The following SH3RF1 variants were observed in gnomAD, a reference collection of about 807,000 sequenced individuals.
The protein encoded by SH3RF1 is SH3 domain containing ring finger 1, also known as E3 ubiquitin-protein ligase SH3RF1.
In SH3RF1, 32 loss-of-function variants were observed where a neutral mutation model predicts 74.0. The observed-to-expected ratio is 0.43, with a 90% CI of 0.33 to 0.58. The LOEUF is 0.58. SH3RF1 is among the 20% of genes least tolerant of loss of function. The probability of loss-of-function intolerance (pLI) is 0.05; values close to 1 mark genes in which losing one functional copy is unlikely to be tolerated. For synonymous variants in SH3RF1, 396 were observed against 439.6 expected, an observed-to-expected ratio of 0.90 and a Z score of 1.24; for missense variants, 954 against 1,130.9, an observed-to-expected ratio of 0.84 and a Z score of 2.24.
chr4:169,157,333 G>A (rs138735697), intron 2 of SH3RF1, among the ~76,000 whole-genome samples: 3 of 152,240 alleles, frequency 2.0e-5, no homozygotes, highest in Admixed American at 2.0e-4. Flanking sequence ...TAAGTGTATA[G>A]ACACGTGGTC....
intron 2 of SH3RF1, among the ~76,000 whole-genome samples, chr4:169,251,069 GA>G (rs1731096834): frequency 1.3e-5 from 2 of 152,162 alleles, no homozygotes; most frequent in African/African-American, 4.8e-5. Flanking sequence ...TTATGCGACT[GA>G]AGTCTAATGG....
intron 2 of SH3RF1, among the ~76,000 whole-genome samples, chr4:169,205,335 G>C (rs1257707054): frequency 6.6e-6 from 1 of 152,166 alleles, no homozygotes; most frequent in Non-Finnish European, 1.5e-5. Context: ...TATGTCTTTG[G>C]AGAAACAGAA....
At chr4:169,259,706 A>T (rs1252926734) in intron 2 of SH3RF1, among the ~76,000 whole-genome samples, 3 of 152,200 alleles carry the variant, frequency 2.0e-5, no homozygotes, top group Admixed American at 2.0e-4. Context: ...AGGGAGCCTT[A>T]CCAGCAAGGC....
intron 11 of SH3RF1, among the ~76,000 whole-genome samples, chr4:169,098,753 C>CT (rs1409670543): frequency 6.6e-6 from 1 of 152,222 alleles, no homozygotes; most frequent in African/African-American, 2.4e-5. Context: ...TTGACACAGT[C>CT]TTTAAGGTCA....
At chr4:169,192,904 T>C (rs1734751250) in intron 2 of SH3RF1, among the ~76,000 whole-genome samples, 1 of 119,462 alleles carries the variant, frequency 8.4e-6, no homozygotes, top group African/African-American at 2.7e-5. Flanking sequence ...CTTTTATATA[T>C]ATATCATATA....
intron 2 of SH3RF1, among the ~76,000 whole-genome samples, chr4:169,168,722 G>A (rs1448948062): frequency 3.3e-5 from 5 of 152,226 alleles, no homozygotes; most frequent in Non-Finnish European, 5.9e-5. Context: ...ACAGTCTCAC[G>A]TTTGGTTCTG....
At position 169,156,500 on chromosome 4, in the gene SH3RF1, A is replaced by C. The variant is rs752707708; in HGVS notation, c.573T>G (p.Ile191Met). Residue 191 changes from isoleucine (I) to methionine (M), a missense_variant, in exon 3 of 12, where the codon ATT becomes ATG. This residue lies in a region of SH3RF1 where 854 missense variants were observed against 962.5 expected (regional missense o/e 0.89). Transcript: ENST00000284637. ...GFFPTNFVQI[I>M]KPLPQPPPQC... is the part of the protein sequence containing the mutation. Reference sequence around the variant, plus strand: ...GAGGTGGGGGCTGAGGTAACGGTTTAATAATCTGCACAAAGTTGGTGGGGA... The same window carrying C: ...GAGGTGGGGGCTGAGGTAACGGTTTCATAATCTGCACAAAGTTGGTGGGGA... The C allele has an allele frequency of 3.7e-6, 6 of 1,614,142 alleles. No homozygotes were observed. The highest frequency in any genetic ancestry group is 5.1e-6 in the Non-Finnish European group (6 of 1,179,984).
At chr4:169,107,313 T>C (rs1733162950) in intron 10 of SH3RF1, 108 bp from the exon 11 acceptor site, 1 of 1,039,592 alleles carries the variant, frequency 9.6e-7, no homozygotes, top group Non-Finnish European at 1.4e-6. Context: ...TAATTTTAAT[T>C]TTTGTGGGTC....
At chr4:169,246,419 C>T (rs1730995319) in intron 2 of SH3RF1, among the ~76,000 whole-genome samples, 2 of 152,174 alleles carry the variant, frequency 1.3e-5, no homozygotes, top group Admixed American at 6.5e-5. Flanking sequence ...GGAGTATGTG[C>T]AACCCCGCTC....
At chr4:169,114,543 C>G (rs1186630255) in intron 10 of SH3RF1, among the ~76,000 whole-genome samples, 1 of 152,182 alleles carries the variant, frequency 6.6e-6, no homozygotes, top group Non-Finnish European at 1.5e-5. Context: ...AAGTACCTTT[C>G]AAGCCTTAGA....
intron 2 of SH3RF1, among the ~76,000 whole-genome samples, chr4:169,187,557 TGTGTGTGTGTA>T (rs1734630394): frequency 7.3e-6 from 1 of 136,116 alleles, no homozygotes; most frequent in South Asian, 2.3e-4. Context: ...TGTGTGTGTG[TGTGTGTGTGTA>T]GTTGACAAGC....
At chr4:169,254,063 G>T (rs1046024535) in intron 2 of SH3RF1, among the ~76,000 whole-genome samples, 3 of 152,216 alleles carry the variant, frequency 2.0e-5, no homozygotes, top group Admixed American at 2.0e-4. Flanking sequence ...CCTAGCCTTT[G>T]AGTACTACTG....
chr4:169,180,766 C>T (rs72706478), intron 2 of SH3RF1, among the ~76,000 whole-genome samples: 2,197 of 152,206 alleles, frequency 0.014, 25 homozygotes, highest in Non-Finnish European at 0.024. Flanking sequence ...CTCACTTATT[C>T]TTCAACTTCA....
chr4:169,129,929 T>C (rs1579096848), intron 6 of SH3RF1, 117 bp downstream of exon 6: 2 of 769,944 alleles, frequency 2.6e-6, no homozygotes, highest in East Asian at 5.7e-5. Context: ...GAAAGATAGA[T>C]ACCCACCTCA....
chr4:169,258,686 T>C (rs764921426), intron 2 of SH3RF1, among the ~76,000 whole-genome samples: 1 of 152,172 alleles, frequency 6.6e-6, no homozygotes, highest in Non-Finnish European at 1.5e-5. Flanking sequence ...TAATAGAGAT[T>C]AGTAAACTAA....
At position 169,268,941 on chromosome 4, in the gene SH3RF1, G is replaced by C. The variant is rs774411038; in HGVS notation, c.272C>G (p.Thr91Ser). Residue 91 changes from threonine (T) to serine (S), a missense_variant, in exon 2 of 12, where the codon ACC (threonine) becomes AGC (serine). Thr to Ser is a moderately conservative substitution (Grantham distance 58). Around this residue, in one of 3 missense-constraint regions of SH3RF1, gnomAD observed 854 missense variants for 962.5 expected, o/e 0.89. Transcript: ENST00000284637. ...WKPGPGGGSGTNCTNALRSQS... is the reference protein window; with the variant it reads ...WKPGPGGGSGSNCTNALRSQS... ...AGACCTTAATGCATTTGTGCAGTTG[G>C]TCCCACTTCCCCCACCAGGACCAGG... 6 of 1,613,984 alleles carry C rather than the reference G, an allele frequency of 3.7e-6. No individual in the cohort carries two copies. In the Admixed American group the frequency reaches 1.0e-4, roughly 27 times the overall value.
chr4:169,114,331 C>A (rs916577397), intron 10 of SH3RF1, among the ~76,000 whole-genome samples: 1 of 152,096 alleles, frequency 6.6e-6, no homozygotes, highest in Non-Finnish European at 1.5e-5. Context: ...CCTTCTCTGG[C>A]CCTAAGCTTC....
At chr4:169,260,853 T>A (rs1016224421) in intron 2 of SH3RF1, among the ~76,000 whole-genome samples, 1 of 152,240 alleles carries the variant, frequency 6.6e-6, no homozygotes, top group African/African-American at 2.4e-5. Context: ...TATGTAGCTC[T>A]ACAGCCAAAC....
intron 8 of SH3RF1, among the ~76,000 whole-genome samples, chr4:169,118,131 C>A (rs1040509176): frequency 1.3e-5 from 2 of 152,222 alleles, no homozygotes; most frequent in Non-Finnish European, 2.9e-5. Context: ...CATTCCCTGA[C>A]AATATCCCCA....
Sources: gnomAD v4.1 joint callset for allele counts (sites outside exome capture counted in the v4.1 genomes callset) on GRCh38, gnomAD v4.1.1 for gene constraint, gnomAD v4.1.1 regional missense constraint, MANE v1.5 for transcripts, NCBI Gene and HGNC (gene_info 2026-07-23, HGNC 2026-07-21) for gene names.